The following PTCSC3 variants were observed in gnomAD, a reference collection of about 807,000 sequenced individuals.
The protein encoded by PTCSC3 is papillary thyroid carcinoma susceptibility candidate 3, also known as papillary thyroid carcinoma susceptibility candidate 3 (non-protein coding).
chr14:36,160,563 T>A (rs1169144), intron 2 of PTCSC3, among the ~76,000 whole-genome samples: 93,238 of 152,010 alleles, frequency 0.61, 29,445 homozygotes, highest in Middle Eastern at 0.69. Flanking sequence ...CACTCTCTTC[T>A]GGTTTGTAGG....
At chr14:36,141,567 G>T (rs1248433147) in intron 3 of PTCSC3, among the ~76,000 whole-genome samples, 7 of 152,032 alleles carry the variant, frequency 4.6e-5, no homozygotes, top group Non-Finnish European at 8.8e-5. Flanking sequence ...TGGCCAGGCT[G>T]GTCTCGAACT....
intron 2 of PTCSC3, among the ~76,000 whole-genome samples, chr14:36,160,180 A>C (rs1881923967): frequency 6.6e-6 from 1 of 152,146 alleles, no homozygotes; most frequent in South Asian, 2.1e-4. Context: ...CTCTTTATCC[A>C]ATTTGCCAGT....
chr14:36,138,260 G>C (rs1328483405), intron 3 of PTCSC3, among the ~76,000 whole-genome samples: 1 of 152,166 alleles, frequency 6.6e-6, no homozygotes, highest in Non-Finnish European at 1.5e-5. Context: ...TCTGAAATGA[G>C]ATAAAGCTTC....
exon 4 of PTCSC3, chr14:36,136,293 A>G (rs935860886): frequency 2.6e-5 from 4 of 152,778 alleles, no homozygotes; most frequent in Admixed American, 2.0e-4. Context: ...GCATCCTTCA[A>G]TCCAATCAAG....
intron 3 of PTCSC3, among the ~76,000 whole-genome samples, chr14:36,145,252 T>A (rs1324605093): frequency 3.3e-5 from 5 of 149,862 alleles, no homozygotes; most frequent in Non-Finnish European, 7.4e-5. Flanking sequence ...TTCCTCTTTG[T>A]ACCTCTGGTA....
At chr14:36,135,501 G>T (rs181499886), downstream of PTCSC3, among the ~76,000 whole-genome samples, 1 of 152,118 alleles carries the variant, frequency 6.6e-6, no homozygotes, top group Non-Finnish European at 1.5e-5. Context: ...CTTAAAGAAG[G>T]TTGTCAATTA....
upstream of PTCSC3, chr14:36,176,587 G>A (rs754182027): frequency 1.3e-5 from 2 of 152,070 alleles, no homozygotes; most frequent in Non-Finnish European, 2.9e-5. Flanking sequence ...ACCCCTGCCA[G>A]TATTTTATAC....
chr14:36,169,627 C>T (rs1047356256), intron 1 of PTCSC3, among the ~76,000 whole-genome samples: 5 of 152,136 alleles, frequency 3.3e-5, no homozygotes, highest in African/African-American at 1.2e-4. Flanking sequence ...ATTCATCTTT[C>T]TACCTATCAA....
At chr14:36,163,599 C>T (rs372504883) in intron 1 of PTCSC3, among the ~76,000 whole-genome samples, 223 of 152,164 alleles carry the variant, frequency 1.5e-3, no homozygotes, top group Non-Finnish European at 2.5e-3. Flanking sequence ...GTTTAGAACC[C>T]GATTTTACAG....
chr14:36,145,820 C>T (rs946726818), intron 3 of PTCSC3, among the ~76,000 whole-genome samples: 9 of 149,588 alleles, frequency 6.0e-5, no homozygotes, highest in African/African-American at 2.2e-4. Context: ...TTTCCCTCTG[C>T]ACACTGCTTT....
intron 1 of PTCSC3, among the ~76,000 whole-genome samples, chr14:36,163,418 A>G (rs568743474): frequency 5.9e-4 from 90 of 152,250 alleles, no homozygotes; most frequent in Middle Eastern, 6.8e-3. Context: ...ACTAGACACC[A>G]TGGAGGAAAA....
intron 2 of PTCSC3, among the ~76,000 whole-genome samples, chr14:36,154,707 G>T (rs1293312140): frequency 1.3e-5 from 2 of 152,126 alleles, no homozygotes; most frequent in Non-Finnish European, 2.9e-5. Flanking sequence ...AAGAGGAGTA[G>T]AGGCCTCTCT....
In PTCSC3 at chr14:36,168,360, A is replaced by AATATATATATATATAT. The variant is rs147400390; in HGVS notation, n.172-5693_172-5678dup. Reference sequence around the variant, plus strand: ...TTGGGAGTTTAAACTATTGATTCTGAATATATATATATATATATATATATA... The same window carrying AATATATATATATATAT: ...TTGGGAGTTTAAACTATTGATTCTGAATATATATATATATATATATATATATATATATATATATATA... On this transcript the variant is annotated intron_variant and non_coding_transcript_variant, in intron 1 of 3. Coordinates refer to ENST00000556013, the Ensembl canonical transcript of PTCSC3. Among the ~76,000 whole-genome samples, 134 of 113,856 alleles carry AATATATATATATATAT rather than the reference A, an allele frequency of 1.2e-3. 2 individuals carry two copies. The highest frequency in any genetic ancestry group is 3.0e-3 in the African/African-American group (69 of 22,896). The allele number at this position is 113,856 out of a possible 152,430, so 74.7% of individuals were successfully genotyped here.
At chr14:36,139,136 A>G (rs564306587) in intron 3 of PTCSC3, among the ~76,000 whole-genome samples, 145 of 150,228 alleles carry the variant, frequency 9.7e-4, no homozygotes, top group African/African-American at 3.4e-3. Flanking sequence ...AAAAAAAAAA[A>G]AAAAGAAATG....
intron 3 of PTCSC3, among the ~76,000 whole-genome samples, chr14:36,149,556 T>C (rs1881675910): frequency 6.6e-6 from 1 of 152,256 alleles, no homozygotes; most frequent in Non-Finnish European, 1.5e-5. Context: ...TTGCTGGATC[T>C]GTGCATTACA....
intron 3 of PTCSC3, among the ~76,000 whole-genome samples, chr14:36,138,840 C>T (rs542208415): frequency 6.6e-6 from 1 of 152,114 alleles, no homozygotes; most frequent in Non-Finnish European, 1.5e-5. Flanking sequence ...TATATGTGGC[C>T]GGGCGCGGGT....
chr14:36,145,463 A>G (rs1881539627), intron 3 of PTCSC3, among the ~76,000 whole-genome samples: 1 of 149,872 alleles, frequency 6.7e-6, no homozygotes, highest in South Asian at 2.2e-4. Context: ...TGTTTGTAGT[A>G]TTCTCTGATG....
In PTCSC3 at chr14:36,162,367, G is replaced by A. The variant is rs191378322; in HGVS notation, n.231+257C>T. Among the ~76,000 whole-genome samples the A allele has an allele frequency of 1.8e-3, 273 of 152,060 alleles. 1 individual carries two copies. Among genetic ancestry groups the A allele is most frequent in the African/African-American group, 6.2e-3 (255 of 41,434 alleles). On this transcript the variant is annotated intron_variant and non_coding_transcript_variant, in intron 2 of 3. Transcript: ENST00000556013. ...CTAGGTCCCTTGTGGTGTAGGCACT[G>A]GAGGGAATCTCCTGGTCTGCGGGTT...
intron 1 of PTCSC3, among the ~76,000 whole-genome samples, chr14:36,168,360 A>AAT (rs147400390): frequency 0.046 from 5,165 of 113,384 alleles, 161 homozygotes; most frequent in Middle Eastern, 0.058. Context: ...ATTGATTCTG[A>AAT]ATATATATAT....
Sources: gnomAD v4.1 joint callset for allele counts (sites outside exome capture counted in the v4.1 genomes callset) on GRCh38, gnomAD v4.1.1 for gene constraint, MANE v1.5 for transcripts, NCBI Gene and HGNC (gene_info 2026-07-23, HGNC 2026-07-21) for gene names.